Variants in ITGA5 observed in about 807,000 individuals in gnomAD.
ITGA5 encodes integrin subunit alpha 5.
A neutral mutation model predicts 146.3 loss-of-function variants in ITGA5; 55 were observed. That is an observed-to-expected ratio of 0.38 (90% CI 0.30 to 0.47). The LOEUF is 0.47. Among genes scored for constraint, ITGA5 ranks in the 20% least tolerant of loss-of-function variants. The pLI, the probability that ITGA5 is intolerant of heterozygous loss-of-function variation, is 0.99. For synonymous variants in ITGA5, 500 were observed against 531.8 expected, an observed-to-expected ratio of 0.94 and a Z score of 0.82; for missense variants, 1,131 against 1,329.0, an observed-to-expected ratio of 0.85 and a Z score of 2.32.
In ITGA5 at chr12:54,406,126, C is replaced by G. The variant is rs146876226; in HGVS notation, c.907-200G>C. 618 of 602,846 alleles carry G rather than the reference C, an allele frequency of 1.0e-3. 4 individuals carry two copies. In the African/African-American group the frequency reaches 0.01, roughly 10 times the overall value. 37.3% of individuals were successfully genotyped at this position (602,846 alleles called of 1,614,324 possible). A position where few individuals can be genotyped will look rare whatever the true frequency, so the allele number is the denominator to read the frequency against. ...ACCCTATGTCTGCTTCACTATTTTT[C>G]TCCCTATCAATCACCAACCACTGAC... On this transcript the variant is annotated intron_variant, in intron 9 of 29. Coordinates refer to ENST00000293379, the MANE Select transcript of ITGA5 (RefSeq NM_002205.5).
At chr12:54,415,770 C>A (rs1565645583) in intron 1 of ITGA5, among the ~76,000 whole-genome samples, 1 of 152,170 alleles carries the variant, frequency 6.6e-6, no homozygotes, top group Admixed American at 6.5e-5. Flanking sequence ...ATGGGCCAGG[C>A]CAGAGGAGGA....
At position 54,401,523 on chromosome 12, in the gene ITGA5, T is replaced by C. The variant is rs1435027121; in HGVS notation, c.2388-45A>G. The C allele has an allele frequency of 5.7e-6, 9 of 1,580,572 alleles. No individual in the cohort carries two copies. Among genetic ancestry groups the C allele is most frequent in the Non-Finnish European group, 7.8e-6 (9 of 1,155,970 alleles). ...AGAGGAGGGTGGAAGGAACCCCATA[T>C]GCATCCTTCCCTAGAAGTCTGTGTC... is the stretch of plus-strand genomic sequence containing the variant. On this transcript the variant is annotated intron_variant, in intron 23 of 29. Transcript: ENST00000293379. The surrounding 1 kb of genome is among the most constrained non-coding windows in gnomAD (Gnocchi z 5.0).
Position 54,397,122 on chromosome 12 carries a change from CA to C in ITGA5, c.3066+242del, listed in dbSNP as rs1169324817. 6.9e-5 allele frequency: 25 copies of C among 364,702 alleles called. 1 individual carries two copies. Among genetic ancestry groups the C allele is most frequent in the Middle Eastern group, 7.6e-4 (1 of 1,320 alleles). The allele number at this position is 364,702 out of a possible 1,614,324, so 22.6% of individuals were successfully genotyped here. A position where few individuals can be genotyped will look rare whatever the true frequency, so the allele number is the denominator to read the frequency against. On this transcript the variant is annotated intron_variant, in intron 29 of 29. Transcript: ENST00000293379. ...CCACGTATTTGTCATCTTTGGGTTCCAATGATTTTGCAAGTATAGGCAAACT... is the reference window on the plus strand; with the variant it reads ...CCACGTATTTGTCATCTTTGGGTTCCATGATTTTGCAAGTATAGGCAAACT...
At chr12:54,397,091 C>T (rs1055785507) in intron 29 of ITGA5, among the ~76,000 whole-genome samples, 33 of 152,258 alleles carry the variant, frequency 2.2e-4, no homozygotes, top group African/African-American at 7.2e-4. Flanking sequence ...ATTGACAGCA[C>T]AAATGCCACG....
chr12:54,400,304 A>G (rs1955771046), intron 25 of ITGA5: 1 of 252,448 alleles, frequency 4.0e-6, no homozygotes, highest in African/African-American at 2.2e-5. Flanking sequence ...AGGTTTTTCT[A>G]TGATCCAATT....
Position 54,399,803 on chromosome 12 carries a change from G to T in ITGA5, c.2728-45C>A, listed in dbSNP as rs758651995. On this transcript the variant is annotated intron_variant, in intron 26 of 29. Coordinates refer to ENST00000293379, the MANE Select transcript of ITGA5 (RefSeq NM_002205.5). Reference sequence around the variant, plus strand: ...AACCTGGTGTTCTGCCCTTGTGATGGCCCTGAGAACCCCAGAGTACTCAAC... The same window carrying T: ...AACCTGGTGTTCTGCCCTTGTGATGTCCCTGAGAACCCCAGAGTACTCAAC... 15 of 1,604,330 alleles carry T rather than the reference G, an allele frequency of 9.3e-6. No homozygotes were observed. The Admixed American group carries it at 2.5e-4, about 27-fold the overall frequency.
At chr12:54,410,528 G>A (rs1955930427) in intron 2 of ITGA5, among the ~76,000 whole-genome samples, 1 of 151,190 alleles carries the variant, frequency 6.6e-6, no homozygotes, top group South Asian at 2.1e-4. Flanking sequence ...ATGGGGTTTT[G>A]CCATGTTGAC....
intron 7 of ITGA5, 72 bp from the exon 8 acceptor site, chr12:54,407,948 C>T (rs2120529590): frequency 2.0e-6 from 3 of 1,519,150 alleles, no homozygotes; most frequent in East Asian, 2.3e-5. Flanking sequence ...ATCCACCAAT[C>T]CCTTCCCCAC....
At chr12:54,407,915 T>G in intron 7 of ITGA5, 39 bp from the exon 8 acceptor site, 6 of 1,555,508 alleles carry the variant, frequency 3.9e-6, no homozygotes, top group Non-Finnish European at 5.2e-6. Context: ...ATTCCTGCTT[T>G]GAGGACCCCT....
chr12:54,418,952 C>G, intron 1 of ITGA5, 29 bp downstream of exon 1: 1 of 1,609,832 alleles, frequency 6.2e-7, no homozygotes, highest in African/African-American at 1.3e-5. Flanking sequence ...TCCCCCACCC[C>G]CATCCCGTCT....
At chr12:54,398,475 G>C in intron 28 of ITGA5, 122 bp downstream of exon 28, 1 of 677,026 alleles carries the variant, frequency 1.5e-6, no homozygotes, top group Admixed American at 3.1e-5. Flanking sequence ...ACAGTGCTTG[G>C]CACATAGTAC....
intron 1 of ITGA5, among the ~76,000 whole-genome samples, 173 bp downstream of exon 1, chr12:54,418,808 C>T (rs1450810767): frequency 6.6e-6 from 1 of 152,050 alleles, no homozygotes; most frequent in East Asian, 1.9e-4. Flanking sequence ...GCCACGGTGC[C>T]CTCCCTACTC....
Position 54,400,923 on chromosome 12 carries a change from G to A in ITGA5, c.2566C>T (p.Gln856Ter). Residue 856 changes from glutamine to a stop codon, truncating the protein, a stop_gained, in exon 25 of 30, where the codon CAG becomes TAG. Transcript: ENST00000293379. LOFTEE classifies it high-confidence loss of function. Reference sequence around the variant, plus strand: ...ACTCTGGTCACATATAGGAGCTGCTGACCTTCCAGAGCCTGGGGACAGCTG... The same window carrying A: ...ACTCTGGTCACATATAGGAGCTGCTAACCTTCCAGAGCCTGGGGACAGCTG... ...ELSCPQALEG[Q>*]QLLYVTRVTG... is the part of the protein sequence containing the mutation. 6.2e-7 allele frequency: 1 copy of A among 1,614,062 alleles called. No homozygotes were observed. Among genetic ancestry groups the A allele is most frequent in the Non-Finnish European group, 8.5e-7 (1 of 1,179,980 alleles).
intron 1 of ITGA5, among the ~76,000 whole-genome samples, chr12:54,414,227 G>A (rs575245038): frequency 2.0e-5 from 3 of 152,260 alleles, no homozygotes; most frequent in African/African-American, 7.2e-5. Context: ...CTGCCAACAC[G>A]CCAAGTGAGG....
chr12:54,417,599 A>G (rs745925863), intron 1 of ITGA5, among the ~76,000 whole-genome samples: 12 of 152,074 alleles, frequency 7.9e-5, no homozygotes, highest in Non-Finnish European at 1.5e-4. Flanking sequence ...CTTTCTCCCC[A>G]GTTGTATTAG....
At position 54,401,844 on chromosome 12, in the gene ITGA5, G is replaced by A. The variant is rs760467852; in HGVS notation, c.2238C>T (p.Gly746=). The A allele has an allele frequency of 6.2e-7, 1 of 1,614,062 alleles. No homozygotes were observed. The highest frequency in any genetic ancestry group is 1.1e-5 in the South Asian group (1 of 91,080). The change falls in exon 22 of 30, where the codon GGC becomes GGT. Residue 746 remains glycine (G), a synonymous_variant. Transcript: ENST00000293379. This position sits in a 1 kb window ranked among gnomAD's most constrained non-coding sequence, Gnocchi z 5.0. ...PMKAGASLWG[G]LRFTVPHLRD... Reference sequence around the variant, plus strand: ...GGAGATGAGGGACTGTAAACCGAAGGCCACCCCACAGCTGGGGACAGAAAA... The same window carrying A: ...GGAGATGAGGGACTGTAAACCGAAGACCACCCCACAGCTGGGGACAGAAAA...
At chr12:54,405,062 G>A in intron 12 of ITGA5, 104 bp downstream of exon 12, 1 of 1,244,552 alleles carries the variant, frequency 8.0e-7, no homozygotes. Flanking sequence ...CCCTCGGGAA[G>A]TCGTGGAGGT....
chr12:54,400,135 C>T (rs181211208), intron 25 of ITGA5, 188 bp from the exon 26 acceptor site: 3 of 586,916 alleles, frequency 5.1e-6, no homozygotes, highest in Admixed American at 5.9e-5. Context: ...AAACTTGGTT[C>T]TTGGAGATCA....
rs961019735 is a variant in ITGA5 at position 54,405,888 on chromosome 12, G to T, written c.945C>A (p.Tyr315Ter). ...ILNGSDIRSL[Y>*]NFSGEQMASY... The stretch of plus-strand genomic sequence containing the variant: ...TCCTTACCTGTTCCCCTGAGAAGTT[G>T]TAGAGGGATCGAATGTCTGAGCCAT... The change falls in exon 10 of 30, where the codon TAC becomes TAA. Residue 315 changes from tyrosine (Y) to a stop codon, truncating the protein, a stop_gained. Transcript: ENST00000293379. LOFTEE classifies it high-confidence loss of function. 1 of 1,613,908 alleles carries T rather than the reference G, an allele frequency of 6.2e-7. No homozygotes were observed. The highest frequency in any genetic ancestry group is 8.5e-7 in the Non-Finnish European group (1 of 1,179,932).
Sources: gnomAD v4.1 joint callset for allele counts (sites outside exome capture counted in the v4.1 genomes callset) on GRCh38, gnomAD v4.1.1 for gene constraint, Gnocchi (gnomAD v3.1) non-coding constraint, MANE v1.5 for transcripts, NCBI Gene and HGNC (gene_info 2026-07-23, HGNC 2026-07-21) for gene names.